Variants in NWD2 observed in about 807,000 individuals in gnomAD.
NWD2 encodes the protein NACHT and WD repeat domain containing 2.
A neutral mutation model predicts 132.7 loss-of-function variants in NWD2; 37 were observed. The ratio of observed to expected loss-of-function variants is 0.28; its 90% CI spans 0.21 to 0.37. The LOEUF (loss-of-function observed/expected upper bound fraction) is 0.37, where lower values mean the gene tolerates loss of function less well. Ranked by LOEUF, NWD2 falls within the 10% of genes least tolerant of loss-of-function variation. The probability of loss-of-function intolerance (pLI) is 1.00; values close to 1 mark genes in which losing one functional copy is unlikely to be tolerated. For missense variants in NWD2, 1,592 were observed against 2,122.4 expected, an observed-to-expected ratio of 0.75 and a Z score of 4.91; for synonymous variants, 705 against 803.0, an observed-to-expected ratio of 0.88 and a Z score of 2.06.
rs78822232 is a variant in NWD2, at chr4:37,295,514, C to G, written c.152-30422C>G. Among the ~76,000 whole-genome samples, 784 of 152,294 alleles carry G rather than the reference C, an allele frequency of 5.1e-3. 50 individuals carry two copies. The East Asian group carries it at 0.13, about 24-fold the overall frequency. On this transcript the variant is annotated intron_variant, in intron 1 of 6. Transcript: ENST00000309447. ...AAAATCAAAGCAAGTTTCACTCTGGCCCATTCTTGATTCATTAGCCTTGAT... is the reference window on the plus strand; with the variant it reads ...AAAATCAAAGCAAGTTTCACTCTGGGCCATTCTTGATTCATTAGCCTTGAT...
intron 2 of NWD2, among the ~76,000 whole-genome samples, chr4:37,333,729 A>G (rs1274333544): frequency 6.6e-6 from 1 of 152,170 alleles, no homozygotes; most frequent in African/African-American, 2.4e-5. Context: ...GAGTTCAGGA[A>G]GGCACCAAGG....
intron 3 of NWD2, among the ~76,000 whole-genome samples, chr4:37,395,207 G>A (rs564437722): frequency 6.6e-6 from 1 of 152,052 alleles, no homozygotes; most frequent in South Asian, 2.1e-4. Context: ...CTTCCAAAGT[G>A]TATGATAAAT....
intron 3 of NWD2, among the ~76,000 whole-genome samples, chr4:37,361,351 CA>C (rs1220777815): frequency 6.6e-6 from 1 of 152,012 alleles, no homozygotes; most frequent in Non-Finnish European, 1.5e-5. Flanking sequence ...TGATACCTGG[CA>C]AAAGACAAAA....
At chr4:37,345,394 C>CT (rs1490464580) in intron 2 of NWD2, among the ~76,000 whole-genome samples, 1 of 152,068 alleles carries the variant, frequency 6.6e-6, no homozygotes, top group Non-Finnish European at 1.5e-5. Flanking sequence ...AATTATCAGT[C>CT]TTTTTTTATT....
chr4:37,302,662 G>T (rs1397391108), intron 1 of NWD2, among the ~76,000 whole-genome samples: 3 of 151,674 alleles, frequency 2.0e-5, no homozygotes, highest in Non-Finnish European at 4.4e-5. Context: ...ATTTTAACTG[G>T]GGTGAGATAA....
Position 37,444,416 on chromosome 4 carries a change from G to C in NWD2, c.2428G>C (p.Ala810Pro), listed in dbSNP as rs73809825. The C allele has an allele frequency of 3.0e-4, 462 of 1,552,084 alleles. 4 individuals carry two copies. The African/African-American group carries it at 6.0e-3, about 20-fold the overall frequency. Residue 810 changes from alanine (A) to proline (P), a missense_variant, in exon 7 of 7, where the codon GCT becomes CCT. By Grantham distance (27) the Ala-to-Pro change is conservative. Around this residue, in one of 7 missense-constraint regions of NWD2, gnomAD observed 1,071 missense variants for 1,398.0 expected, o/e 0.77. Coordinates refer to ENST00000309447, the MANE Select transcript of NWD2 (RefSeq NM_001144990.2). The surrounding 1 kb of genome is among the most constrained non-coding windows in gnomAD (Gnocchi z 4.8). ...GGAACAGGCTTCCTTTGACAGGCAGGCTCCAGACCAGCCCTGGGTTTTCCA... is the reference window on the plus strand; with the variant it reads ...GGAACAGGCTTCCTTTGACAGGCAGCCTCCAGACCAGCCCTGGGTTTTCCA... ...FMEQASFDRQ[A>P]PDQPWVFQCN...
chr4:37,348,540 C>G (rs1388251781), intron 2 of NWD2, among the ~76,000 whole-genome samples: 1 of 147,924 alleles, frequency 6.8e-6, no homozygotes, highest in Non-Finnish European at 1.5e-5. Context: ...ACCAGTGAAG[C>G]CATCCCTTCT....
At chr4:37,376,893 C>A (rs1328827023) in intron 3 of NWD2, among the ~76,000 whole-genome samples, 1 of 152,046 alleles carries the variant, frequency 6.6e-6, no homozygotes, top group East Asian at 1.9e-4. Flanking sequence ...TGTCCTTTGT[C>A]CCAAGTACCT....
chr4:37,390,375 CTA>C (rs778041074), intron 3 of NWD2, among the ~76,000 whole-genome samples: 76 of 150,814 alleles, frequency 5.0e-4, no homozygotes, highest in Non-Finnish European at 9.0e-4. Context: ...AAATATTAAA[CTA>C]TATTCACGTG....
chr4:37,278,273 A>G (rs1052986733), intron 1 of NWD2, among the ~76,000 whole-genome samples: 1 of 152,202 alleles, frequency 6.6e-6, no homozygotes, highest in Admixed American at 6.5e-5. Context: ...GCTCTCAGCC[A>G]TAATTATGAT....
At chr4:37,412,206 C>A (rs1721173983) in intron 3 of NWD2, among the ~76,000 whole-genome samples, 1 of 152,176 alleles carries the variant, frequency 6.6e-6, no homozygotes, top group African/African-American at 2.4e-5. Flanking sequence ...TCTCTGTTTG[C>A]AGATGGCATG....
At chr4:37,411,125 G>A (rs1721146769) in intron 3 of NWD2, among the ~76,000 whole-genome samples, 1 of 152,032 alleles carries the variant, frequency 6.6e-6, no homozygotes, top group Non-Finnish European at 1.5e-5. Flanking sequence ...GCTAGCAGAA[G>A]ACAACAAATA....
chr4:37,382,928 A>T (rs1359007881), intron 3 of NWD2, among the ~76,000 whole-genome samples: 1 of 151,874 alleles, frequency 6.6e-6, no homozygotes, highest in Non-Finnish European at 1.5e-5. Context: ...TCCTAAGCTC[A>T]GGCAATCCAC....
rs1329706931 is a variant in NWD2, at chr4:37,447,213, A to T, written c.5225A>T (p.Asn1742Ile). 6.5e-7 allele frequency: 1 copy of T among 1,543,374 alleles called. No homozygotes were observed. The highest frequency in any genetic ancestry group is 1.2e-5 in the South Asian group (1 of 83,622). The change falls in exon 7 of 7, where the codon AAC (asparagine) becomes ATC (isoleucine). Residue 1742 changes from asparagine (N) to isoleucine (I), a missense_variant. Transcript: ENST00000309447. ...EARGHSYAPD[N>I] ...AGGGGCCACAGCTATGCCCCTGATA[A>T]CTGACAAAATGTTTTCCAGCTAAGC...
At chr4:37,403,207 C>T (rs10012816) in intron 3 of NWD2, among the ~76,000 whole-genome samples, 76 of 151,950 alleles carry the variant, frequency 5.0e-4, no homozygotes, top group South Asian at 2.7e-3. Context: ...CAGTGATGAG[C>T]GAGACAGACA....
At chr4:37,323,046 G>A (rs1260789018) in intron 1 of NWD2, among the ~76,000 whole-genome samples, 1 of 152,082 alleles carries the variant, frequency 6.6e-6, no homozygotes, top group Non-Finnish European at 1.5e-5. Context: ...TTTAGTGGCT[G>A]TATGCTCTTG....
Position 37,430,790 on chromosome 4 carries a change from C to G in NWD2, c.561+15C>G, listed in dbSNP as rs755090519. ...ATAGAAATGCAGTAAGCTGCCTTTCCCTCAAGCCTATGGATCTGTCCATTA... is the reference window on the plus strand; with the variant it reads ...ATAGAAATGCAGTAAGCTGCCTTTCGCTCAAGCCTATGGATCTGTCCATTA... On this transcript the variant is annotated intron_variant, in intron 4 of 6. Coordinates refer to ENST00000309447, the MANE Select transcript of NWD2 (RefSeq NM_001144990.2). 2 of 1,544,800 alleles carry G rather than the reference C, an allele frequency of 1.3e-6. No homozygotes were observed. The highest frequency in any genetic ancestry group is 1.8e-6 in the Non-Finnish European group (2 of 1,140,848).
chr4:37,278,835 A>G (rs1718074725), intron 1 of NWD2, among the ~76,000 whole-genome samples: 1 of 152,102 alleles, frequency 6.6e-6, no homozygotes, highest in Non-Finnish European at 1.5e-5. Flanking sequence ...AACATATTTC[A>G]CTCTTCACCC....
intron 3 of NWD2, among the ~76,000 whole-genome samples, chr4:37,361,568 C>T (rs1211129945): frequency 6.6e-6 from 1 of 152,082 alleles, no homozygotes; most frequent in Non-Finnish European, 1.5e-5. Flanking sequence ...CCCACATAAA[C>T]AGAGTTAAAA....
Sources: gnomAD v4.1 joint callset for allele counts (sites outside exome capture counted in the v4.1 genomes callset) on GRCh38, gnomAD v4.1.1 for gene constraint, gnomAD v4.1.1 regional missense constraint, Gnocchi (gnomAD v3.1) non-coding constraint, MANE v1.5 for transcripts, NCBI Gene and HGNC (gene_info 2026-07-23, HGNC 2026-07-21) for gene names.